SYAP1: variants seen among roughly 807,000 people sequenced by gnomAD.
SYAP1 encodes synapse associated protein 1, also known as synapse-associated protein 1.
SYAP1 carries 3 observed loss-of-function variants against 29.6 expected under a neutral mutation model. The observed-to-expected ratio is 0.10, with a 90% CI of 0.05 to 0.26. The LOEUF (loss-of-function observed/expected upper bound fraction) is 0.26, where lower values mean the gene tolerates loss of function less well. Among genes scored for constraint, SYAP1 ranks in the 10% least tolerant of loss-of-function variants. The pLI, the probability that SYAP1 is intolerant of heterozygous loss-of-function variation, is 1.00. For synonymous variants in SYAP1, 102 were observed against 102.7 expected (o/e 0.99, Z 0.04); for missense variants, 217 against 264.1 (o/e 0.82, Z 1.24).
In SYAP1 at chrX:16,763,141, C is replaced by A. The variant is rs1051932422; in HGVS notation, c.*2782C>A. Reference sequence around the variant, plus strand: ...CTGCCTCTACAAAAATACAAATGAGCCAGGTGTGGTAGCCCACACCTGTGG... The same window carrying A: ...CTGCCTCTACAAAAATACAAATGAGACAGGTGTGGTAGCCCACACCTGTGG... On this transcript the variant is annotated 3_prime_UTR_variant, in exon 9 of 9. Coordinates refer to ENST00000380155, the MANE Select transcript of SYAP1 (RefSeq NM_032796.4). 2 of 108,912 alleles carry A rather than the reference C, an allele frequency of 1.8e-5. No individual in the cohort carries two copies. Among genetic ancestry groups the A allele is most frequent in the Non-Finnish European group, 3.8e-5 (2 of 52,472 alleles). 9.0% of individuals were successfully genotyped at this position (108,912 alleles called of 1,213,427 possible). A position where few individuals can be genotyped will look rare whatever the true frequency, so the allele number is the denominator to read the frequency against.
At chrX:16,729,701 C>T (rs912142662) in intron 1 of SYAP1, among the ~76,000 whole-genome samples, 8 of 110,719 alleles carry the variant, frequency 7.2e-5, no homozygotes, top group Non-Finnish European at 1.5e-4. Context: ...CCAGGCTGGT[C>T]TTGAACTCCT....
chrX:16,728,141 A>C (rs1468637492), intron 1 of SYAP1, among the ~76,000 whole-genome samples: 1 of 111,745 alleles, frequency 8.9e-6, no homozygotes, highest in Non-Finnish European at 1.9e-5. Flanking sequence ...CTGAAAAGTA[A>C]AACAAAGGAT....
At chrX:16,743,216 T>C (rs1213784961) in intron 4 of SYAP1, among the ~76,000 whole-genome samples, 2 of 108,607 alleles carry the variant, frequency 1.8e-5, no homozygotes, top group African/African-American at 6.7e-5. Flanking sequence ...TAATCCCAGC[T>C]ACTCGGGAGG....
At position 16,761,606 on chromosome X, in the gene SYAP1, G is replaced by A. The variant is rs1359341034; in HGVS notation, c.*1247G>A. 9.0e-6 allele frequency: 1 copy of A among 110,973 alleles called. No individual in the cohort carries two copies. The highest frequency in any genetic ancestry group is 3.3e-5 in the African/African-American group (1 of 30,511). The allele number at this position is 110,973 out of a possible 1,213,427, so 9.1% of individuals were successfully genotyped here. ...GAGAATTGCTTGAACCTGGGAGATG[G>A]AGGTTGCAGTGAGCTGAGATCACGC... On this transcript the variant is annotated 3_prime_UTR_variant, in exon 9 of 9. Coordinates refer to ENST00000380155, the MANE Select transcript of SYAP1 (RefSeq NM_032796.4).
intron 5 of SYAP1, among the ~76,000 whole-genome samples, chrX:16,749,346 C>T (rs1313419363): frequency 9.9e-5 from 11 of 111,306 alleles, no homozygotes. Context: ...TGAGCCACTA[C>T]CGTGCCCAGC....
At chrX:16,738,073 G>C (rs1354659770) in intron 3 of SYAP1, among the ~76,000 whole-genome samples, 2 of 111,627 alleles carry the variant, frequency 1.8e-5, no homozygotes, top group Non-Finnish European at 3.8e-5. Context: ...TGACATCACT[G>C]AGTGCCTGCT....
intron 3 of SYAP1, among the ~76,000 whole-genome samples, chrX:16,738,662 A>G: frequency 9.0e-6 from 1 of 111,170 alleles, no homozygotes; most frequent in African/African-American, 3.3e-5. Context: ...ACAGAGCAAG[A>G]CTCCATCTCA....
chrX:16,744,135 G>C (rs1397565438), intron 5 of SYAP1, among the ~76,000 whole-genome samples: 4 of 112,453 alleles, frequency 3.6e-5, no homozygotes, highest in African/African-American at 1.3e-4. Context: ...GGTCTCTGAG[G>C]CTCATCGGGA....
At position 16,728,244 on chromosome X, in the gene SYAP1, A is replaced by G. The variant is rs1926126376; in HGVS notation, c.176-6983A>G. 3.6e-5 allele frequency among the ~76,000 whole-genome samples: 4 copies of G among 111,676 alleles called. No homozygotes were observed. The South Asian group carries it at 1.5e-3, about 41-fold the overall frequency. ...ACTGTCCTGCTTGATATTAATGAACATGTTAGCTCTTCAGGAGTCCTGAAC... is the reference window on the plus strand; with the variant it reads ...ACTGTCCTGCTTGATATTAATGAACGTGTTAGCTCTTCAGGAGTCCTGAAC... On this transcript the variant is annotated intron_variant, in intron 1 of 8. Transcript: ENST00000380155.
At chrX:16,747,561 C>T (rs1316340619) in intron 5 of SYAP1, among the ~76,000 whole-genome samples, 1 of 112,444 alleles carries the variant, frequency 8.9e-6, no homozygotes, top group Non-Finnish European at 1.9e-5. Flanking sequence ...TGTAGCTGTC[C>T]ACAGTTTTGG....
chrX:16,739,300 C>CCACACATG (rs1194104160), intron 3 of SYAP1, among the ~76,000 whole-genome samples: 2 of 110,391 alleles, frequency 1.8e-5, no homozygotes, highest in African/African-American at 6.6e-5. Flanking sequence ...CTGTGTCCAT[C>CCACACATG]CACACATGCA....
chrX:16,723,986 A>G (rs1926025945), intron 1 of SYAP1, among the ~76,000 whole-genome samples: 1 of 112,256 alleles, frequency 8.9e-6, no homozygotes, highest in Non-Finnish European at 1.9e-5. Flanking sequence ...CAGAAAGTCC[A>G]GTGATCAGAG....
At chrX:16,754,857 C>T (rs1260207630) in intron 5 of SYAP1, 88 bp from the exon 6 acceptor site, 4 of 938,349 alleles carry the variant, frequency 4.3e-6, no homozygotes, top group African/African-American at 1.9e-5. Flanking sequence ...TGTCTGTGTG[C>T]GTTCTCAAAT....
chrX:16,729,052 G>GAAAAAAAAAAAAAAAAAAAAAAAA (rs140902155), intron 1 of SYAP1, among the ~76,000 whole-genome samples: 1 of 95,708 alleles, frequency 1.0e-5, no homozygotes. Context: ...AAAAAAAAAA[G>GAAAAAAAAAAAAAAAAAAAAAAAA]AAAAAAAAAA....
intron 3 of SYAP1, among the ~76,000 whole-genome samples, chrX:16,738,309 G>T (rs1357577409): frequency 8.9e-6 from 1 of 111,759 alleles, no homozygotes; most frequent in Non-Finnish European, 1.9e-5. Context: ...CAGCTGTCTG[G>T]GTGGCTGAGG....
In SYAP1 at chrX:16,760,533, G is replaced by T; in HGVS notation, c.*174G>T. The T allele has an allele frequency of 3.1e-6, 1 of 320,493 alleles. No individual in the cohort carries two copies. 26.4% of individuals were successfully genotyped at this position (320,493 alleles called of 1,213,427 possible). A position where few individuals can be genotyped will look rare whatever the true frequency, so the allele number is the denominator to read the frequency against. On this transcript the variant is annotated 3_prime_UTR_variant, in exon 9 of 9. Coordinates refer to ENST00000380155, the MANE Select transcript of SYAP1 (RefSeq NM_032796.4). ...CTACTTTAAAAAAGTATATAGAACAGTTACTTCTAATAATCAGAAAGAGAT... is the reference window on the plus strand; with the variant it reads ...CTACTTTAAAAAAGTATATAGAACATTTACTTCTAATAATCAGAAAGAGAT...
intron 1 of SYAP1, among the ~76,000 whole-genome samples, chrX:16,726,357 A>G (rs1425056481): frequency 1.8e-5 from 2 of 110,704 alleles, no homozygotes; most frequent in Admixed American, 9.7e-5. Flanking sequence ...CTGCTAAATC[A>G]TGGAGGTTTG....
chrX:16,747,190 C>G (rs975032996), intron 5 of SYAP1, among the ~76,000 whole-genome samples: 2 of 111,622 alleles, frequency 1.8e-5, no homozygotes, highest in African/African-American at 6.5e-5. Flanking sequence ...CTGAAGCAGT[C>G]TTCCTGCCTC....
intron 4 of SYAP1, 23 bp downstream of exon 4, chrX:16,741,812 G>A: frequency 9.3e-7 from 1 of 1,070,470 alleles, no homozygotes; most frequent in South Asian, 2.0e-5. Context: ...TGGTACCCCA[G>A]ATAGAACATA....
Sources: allele counts gnomAD v4.1 joint callset (sites outside exome capture counted in the v4.1 genomes callset), GRCh38; gene constraint gnomAD v4.1.1; transcripts MANE v1.5; gene names NCBI Gene and HGNC (gene_info 2026-07-23, HGNC 2026-07-21).